Variants in RALGPS1 observed in about 807,000 individuals in gnomAD.
RALGPS1 encodes the protein Ral GEF with PH domain and SH3 binding motif 1, also known as ras-specific guanine nucleotide-releasing factor RalGPS1.
RALGPS1 carries 19 observed loss-of-function variants against 78.8 expected under a neutral mutation model. The observed-to-expected ratio is 0.24, with a 90% CI of 0.17 to 0.35. The LOEUF is 0.35. Among genes scored for constraint, RALGPS1 ranks in the 10% least tolerant of loss-of-function variants. The pLI, the probability that RALGPS1 is intolerant of heterozygous loss-of-function variation, is 1.00. For synonymous variants in RALGPS1, 228 were observed against 256.3 expected (o/e 0.89, Z 1.06); for missense variants, 454 against 688.3 (o/e 0.66, Z 3.81).
chr9:127,198,756 G>A (rs564291928), intron 13 of RALGPS1, among the ~76,000 whole-genome samples: 1 of 152,226 alleles, frequency 6.6e-6, no homozygotes, highest in Non-Finnish European at 1.5e-5. Flanking sequence ...AGACCCCAGC[G>A]GGCCAGTGGG....
chr9:127,021,497 CAAAAA>C (rs397690141), intron 4 of RALGPS1, among the ~76,000 whole-genome samples: 1 of 113,592 alleles, frequency 8.8e-6, no homozygotes, highest in Non-Finnish European at 1.7e-5. Context: ...GACTCTGTCT[CAAAAA>C]AAAAAAAAAA....
At chr9:126,926,430 G>T (rs746508691) in intron 1 of RALGPS1, among the ~76,000 whole-genome samples, 1 of 152,172 alleles carries the variant, frequency 6.6e-6, no homozygotes, top group Non-Finnish European at 1.5e-5. Flanking sequence ...CAGGATACAG[G>T]CAGAGGAAAC....
chr9:126,965,336 A>G (rs865922181), intron 2 of RALGPS1, among the ~76,000 whole-genome samples: 2 of 152,220 alleles, frequency 1.3e-5, no homozygotes, highest in African/African-American at 2.4e-5. Context: ...AGTGACTTCA[A>G]GTAGGAAAAA....
chr9:126,920,789 C>T (rs2034675856), intron 1 of RALGPS1, among the ~76,000 whole-genome samples: 1 of 152,176 alleles, frequency 6.6e-6, no homozygotes, highest in Non-Finnish European at 1.5e-5. Flanking sequence ...ATCTCACAGT[C>T]AGTGGAGAAG....
chr9:127,053,007 A>C, intron 7 of RALGPS1, 68 bp downstream of exon 7: 1 of 1,107,432 alleles, frequency 9.0e-7, no homozygotes. Context: ...TTCATTCCAC[A>C]AGCCCCAGCC....
chr9:127,031,977 T>C (rs1172684180), intron 4 of RALGPS1, among the ~76,000 whole-genome samples: 1 of 152,198 alleles, frequency 6.6e-6, no homozygotes, highest in Non-Finnish European at 1.5e-5. Flanking sequence ...TTGTTAATAA[T>C]TCAAGACAGT....
intron 8 of RALGPS1, chr9:127,079,482 C>T (rs1409822402): frequency 6.6e-6 from 1 of 152,208 alleles, no homozygotes; most frequent in Non-Finnish European, 1.5e-5. Context: ...TAGTGATTTG[C>T]TTCTAACAAA....
At chr9:126,981,862 A>AG (rs887459163) in intron 4 of RALGPS1, among the ~76,000 whole-genome samples, 6 of 152,284 alleles carry the variant, frequency 3.9e-5, no homozygotes, top group Non-Finnish European at 1.5e-5. Flanking sequence ...AGAGTGGCTT[A>AG]GCTGGGTGGT....
At chr9:127,064,459 G>GA (rs2049499112) in intron 7 of RALGPS1, among the ~76,000 whole-genome samples, 1 of 152,166 alleles carries the variant, frequency 6.6e-6, no homozygotes, top group Admixed American at 6.5e-5. Context: ...ACATGCACGT[G>GA]AATTTTAAAA....
rs556735967 is a variant in RALGPS1 at position 127,034,433 on chromosome 9, A to G, written c.219A>G (p.Glu73=). Reference sequence around the variant, plus strand: ...GAAATTCATTCTGTGCTTCCTAGGAACTAGCCAGCTGTGGATGGAGTAAGA... The same window carrying G: ...GAAATTCATTCTGTGCTTCCTAGGAGCTAGCCAGCTGTGGATGGAGTAAGA... The part of the protein sequence containing the change: ...IPVFKAIQPE[E]LASCGWSKKE... Residue 73 remains glutamate (E), a splice_region_variant and synonymous_variant, in exon 5 of 19, where the codon GAA becomes GAG. Coordinates refer to ENST00000259351, the MANE Select transcript of RALGPS1 (RefSeq NM_014636.3). 17 of 1,614,004 alleles carry G rather than the reference A, an allele frequency of 1.1e-5. No individual in the cohort carries two copies. The highest frequency in any genetic ancestry group is 4.5e-5 in the East Asian group (2 of 44,876).
chr9:127,164,795 C>T (rs897936942), intron 8 of RALGPS1, among the ~76,000 whole-genome samples: 4 of 152,128 alleles, frequency 2.6e-5, no homozygotes, highest in Admixed American at 2.0e-4. Flanking sequence ...TCACCTCGGC[C>T]TCCCAAAGTG....
chr9:127,216,857 G>A, intron 18 of RALGPS1: 1 of 1,448,626 alleles, frequency 6.9e-7, no homozygotes, highest in South Asian at 1.5e-5. Flanking sequence ...AGCTCTGAGG[G>A]CCGCTCTCTT....
At chr9:126,932,254 G>A (rs2035860858) in intron 1 of RALGPS1, among the ~76,000 whole-genome samples, 1 of 152,216 alleles carries the variant, frequency 6.6e-6, no homozygotes, top group African/African-American at 2.4e-5. Flanking sequence ...TTATGTTGGT[G>A]AGGTTGTGGA....
chr9:127,139,093 T>C (rs1037093225), intron 8 of RALGPS1, among the ~76,000 whole-genome samples: 1 of 152,214 alleles, frequency 6.6e-6, no homozygotes, highest in Admixed American at 6.5e-5. Context: ...AAGATGATCC[T>C]GGAAGCCAGG....
At chr9:127,215,420 T>C (rs2062522896) in intron 18 of RALGPS1, among the ~76,000 whole-genome samples, 1 of 152,030 alleles carries the variant, frequency 6.6e-6, no homozygotes, top group Non-Finnish European at 1.5e-5. Context: ...CCACGAAGGG[T>C]GTTATGCGAA....
intron 4 of RALGPS1, among the ~76,000 whole-genome samples, chr9:126,999,685 A>T (rs1342781021): frequency 6.6e-6 from 1 of 152,148 alleles, no homozygotes; most frequent in African/African-American, 2.4e-5. Flanking sequence ...CTGAATAATA[A>T]TTTATTGTTT....
intron 4 of RALGPS1, among the ~76,000 whole-genome samples, chr9:127,011,059 T>G (rs1007212952): frequency 6.6e-6 from 1 of 151,978 alleles, no homozygotes. Context: ...ACTTCCTCTG[T>G]GGTGATCATA....
intron 4 of RALGPS1, among the ~76,000 whole-genome samples, chr9:127,022,543 A>C (rs1351786113): frequency 6.7e-6 from 1 of 150,182 alleles, no homozygotes. Flanking sequence ...TGCACTCTTT[A>C]CCTTCCCTTA....
chr9:127,195,547 A>T (rs1196137680), intron 12 of RALGPS1, among the ~76,000 whole-genome samples: 1 of 152,178 alleles, frequency 6.6e-6, no homozygotes, highest in African/African-American at 2.4e-5. Context: ...ACTCATGGAA[A>T]ACCCCAAAGT....
Sources: gnomAD v4.1 joint callset for allele counts (sites outside exome capture counted in the v4.1 genomes callset) on GRCh38, gnomAD v4.1.1 for gene constraint, MANE v1.5 for transcripts, NCBI Gene and HGNC (gene_info 2026-07-23, HGNC 2026-07-21) for gene names.